Variants in PHF14 observed in about 807,000 individuals in gnomAD.
PHF14 encodes PHD finger protein 14.
Under a neutral mutation model 117.9 loss-of-function variants are expected in PHF14, and 55 were observed. That is an observed-to-expected ratio of 0.47 (90% CI 0.38 to 0.58). PHF14 has a LOEUF of 0.58. Among genes scored for constraint, PHF14 ranks in the 20% least tolerant of loss-of-function variants. PHF14 has a pLI of 0.00. For missense variants in PHF14, 978 were observed against 1,122.2 expected (o/e 0.87, Z 1.84); for synonymous variants, 409 against 368.6 (o/e 1.11, Z -1.26).
chr7:10,988,542 T>TTTG (rs891685929), intron 3 of PHF14, among the ~76,000 whole-genome samples: 3 of 150,828 alleles, frequency 2.0e-5, no homozygotes, highest in African/African-American at 2.4e-5. Flanking sequence ...CTGTTTTTTT[T>TTTG]TTTTTTTTTT....
chr7:11,039,247 A>C (rs113525859), intron 11 of PHF14, among the ~76,000 whole-genome samples: 11 of 147,178 alleles, frequency 7.5e-5, no homozygotes, highest in African/African-American at 2.8e-4. Context: ...TTTTTTTTCT[A>C]TTCTTTGGAT....
intron 6 of PHF14, among the ~76,000 whole-genome samples, chr7:11,026,307 T>C (rs1260605534): frequency 1.3e-5 from 2 of 152,172 alleles, no homozygotes; most frequent in Non-Finnish European, 2.9e-5. Flanking sequence ...GTACTTAACA[T>C]TTTAAAAATA....
chr7:11,095,518 C>T (rs1319571665), intron 16 of PHF14, among the ~76,000 whole-genome samples: 3 of 152,108 alleles, frequency 2.0e-5, no homozygotes, highest in Non-Finnish European at 4.4e-5. Flanking sequence ...AAGGGCATTT[C>T]GTTTAATCCT....
chr7:11,106,454 C>T (rs1252325510), intron 16 of PHF14: 2 of 948,436 alleles, frequency 2.1e-6, no homozygotes, highest in Non-Finnish European at 2.5e-6. Context: ...GTAATTTGCA[C>T]TAAAATTGTT....
chr7:11,099,579 T>C (rs1436108165), intron 16 of PHF14, among the ~76,000 whole-genome samples: 4 of 152,082 alleles, frequency 2.6e-5, no homozygotes, highest in Non-Finnish European at 5.9e-5. Context: ...TTATCCTCCA[T>C]TGCAGGGTGT....
Position 11,061,825 on chromosome 7 carries a change from A to T in PHF14, c.2516A>T (p.Glu839Val). 1.3e-6 allele frequency: 2 copies of T among 1,523,226 alleles called. No individual in the cohort carries two copies. The highest frequency in any genetic ancestry group is 1.8e-6 in the Non-Finnish European group (2 of 1,136,106). The allele number at this position is 1,523,226 out of a possible 1,614,324, so 94.4% of individuals were successfully genotyped here. A position where few individuals can be genotyped will look rare whatever the true frequency, so the allele number is the denominator to read the frequency against. Residue 839 changes from glutamate (E) to valine (V), a missense_variant, in exon 15 of 18, where the codon GAG becomes GTG. Coordinates refer to ENST00000634607, the MANE Select transcript of PHF14 (RefSeq NM_001007157.2). ...TRGRKRSFVPEEEKHEERVPR... is the reference protein window; with the variant it reads ...TRGRKRSFVPVEEKHEERVPR... Reference sequence around the variant, plus strand: ...GGACGAAAACGAAGCTTCGTTCCTGAGGAAGAAAAACATGAGGTTGGAATA... The same window carrying T: ...GGACGAAAACGAAGCTTCGTTCCTGTGGAAGAAAAACATGAGGTTGGAATA...
intron 17 of PHF14, among the ~76,000 whole-genome samples, chr7:11,117,365 T>G (rs1017297410): frequency 6.6e-6 from 1 of 151,822 alleles, no homozygotes; most frequent in Non-Finnish European, 1.5e-5. Context: ...GTAATAATTT[T>G]TGAATTCATA....
intron 4 of PHF14, among the ~76,000 whole-genome samples, chr7:11,011,804 A>G (rs1679548704): frequency 6.6e-6 from 1 of 152,214 alleles, no homozygotes; most frequent in South Asian, 2.1e-4. Flanking sequence ...GTCCACTACC[A>G]TTTGGGAAAA....
chr7:11,159,658 C>T (rs1191921124), intron 17 of PHF14, among the ~76,000 whole-genome samples: 1 of 152,040 alleles, frequency 6.6e-6, no homozygotes, highest in African/African-American at 2.4e-5. Context: ...TACAGCTTTG[C>T]AAGATGTTAC....
At chr7:11,020,326 G>T (rs932332325) in intron 5 of PHF14, among the ~76,000 whole-genome samples, 2 of 152,130 alleles carry the variant, frequency 1.3e-5, no homozygotes, top group African/African-American at 4.8e-5. Context: ...CTGGGCTCAA[G>T]CAGTCCTCCC....
chr7:10,984,450 G>A (rs1409352041), intron 3 of PHF14, among the ~76,000 whole-genome samples: 2 of 152,104 alleles, frequency 1.3e-5, no homozygotes, highest in Non-Finnish European at 2.9e-5. Flanking sequence ...TAATGATATA[G>A]CACAGGCAGT....
chr7:11,124,211 G>A (rs1328320465), intron 17 of PHF14, among the ~76,000 whole-genome samples: 1 of 151,852 alleles, frequency 6.6e-6, no homozygotes, highest in Non-Finnish European at 1.5e-5. Context: ...CTGCAATTTA[G>A]CACCTAAAGA....
intron 5 of PHF14, among the ~76,000 whole-genome samples, chr7:11,022,370 C>T (rs982691177): frequency 7.2e-5 from 11 of 152,112 alleles, no homozygotes; most frequent in African/African-American, 2.6e-4. Flanking sequence ...AAAATATGTC[C>T]TTAAAGATTA....
rs184375459 is a variant in PHF14, at chr7:11,166,700, C to G, written c.2773-2716C>G. On this transcript the variant is annotated intron_variant, in intron 17 of 17. Coordinates refer to ENST00000634607, the MANE Select transcript of PHF14 (RefSeq NM_001007157.2). ...ATTAGAGTGGAATGCCTTTTTCACC[C>G]CTTCATAATGCTTTTCTGCACCTAG... Among the ~76,000 whole-genome samples the G allele has an allele frequency of 1.5e-4, 23 of 151,988 alleles. No individual in the cohort carries two copies. In the East Asian group the frequency reaches 4.4e-3, roughly 29 times the overall value.
At chr7:11,046,285 G>T (rs1198541870) in intron 13 of PHF14, among the ~76,000 whole-genome samples, 1 of 152,164 alleles carries the variant, frequency 6.6e-6, no homozygotes, top group Non-Finnish European at 1.5e-5. Flanking sequence ...AGTTCAAATA[G>T]TTAATCATCT....
chr7:11,089,890 C>T (rs1340964108), intron 16 of PHF14, among the ~76,000 whole-genome samples: 1 of 151,910 alleles, frequency 6.6e-6, no homozygotes, highest in African/African-American at 2.4e-5. Context: ...CCTGCCTCAG[C>T]CTCCCGAGTA....
At chr7:11,129,262 T>G (rs1381596374) in intron 17 of PHF14, among the ~76,000 whole-genome samples, 1 of 152,098 alleles carries the variant, frequency 6.6e-6, no homozygotes, top group African/African-American at 2.4e-5. Flanking sequence ...ACAAATGATG[T>G]TTGGAACATA....
chr7:11,049,898 A>G (rs1270353031), intron 13 of PHF14, among the ~76,000 whole-genome samples: 1 of 152,328 alleles, frequency 6.6e-6, no homozygotes, highest in Middle Eastern at 3.4e-3. Context: ...CTATATTTAC[A>G]TGAAGTGTAG....
intron 16 of PHF14, among the ~76,000 whole-genome samples, chr7:11,067,852 A>G (rs1785474743): frequency 6.6e-6 from 1 of 152,068 alleles, no homozygotes; most frequent in African/African-American, 2.4e-5. Flanking sequence ...TCTTTTTACT[A>G]TCCAACTATC....
Sources: allele counts gnomAD v4.1 joint callset (sites outside exome capture counted in the v4.1 genomes callset), GRCh38; gene constraint gnomAD v4.1.1; transcripts MANE v1.5; gene names NCBI Gene and HGNC (gene_info 2026-07-23, HGNC 2026-07-21).